Variants in MYOM1 observed in about 807,000 individuals in gnomAD.
MYOM1 encodes the protein myomesin 1, also known as myomesin-1.
MYOM1 carries 164 observed loss-of-function variants against 205.3 expected under a neutral mutation model. The observed-to-expected ratio is 0.80, with a 90% CI of 0.70 to 0.91. The LOEUF is 0.91. MYOM1 is among the 40% of genes least tolerant of loss of function. MYOM1 has a pLI of 0.00. For missense variants in MYOM1, 2,011 were observed against 2,127.3 expected, an observed-to-expected ratio of 0.95 and a Z score of 1.08; for synonymous variants, 772 against 789.4, an observed-to-expected ratio of 0.98 and a Z score of 0.37.
chr18:3,156,977 C>T lies in MYOM1; in HGVS notation c.1502-1889G>A, dbSNP rs558803781. Among the ~76,000 whole-genome samples the T allele has an allele frequency of 5.3e-5, 8 of 152,248 alleles. No individual in the cohort carries two copies. In the East Asian group the frequency reaches 1.5e-3, roughly 29 times the overall value. On this transcript the variant is annotated intron_variant, in intron 10 of 37. Coordinates refer to ENST00000356443, the MANE Select transcript of MYOM1 (RefSeq NM_003803.4). Reference sequence around the variant, plus strand: ...AGAGTGGGGCTGCTGATGGCAAAGGCAGAGCAGAGCTGCAGAGGAGGTGGG... The same window carrying T: ...AGAGTGGGGCTGCTGATGGCAAAGGTAGAGCAGAGCTGCAGAGGAGGTGGG...
the MYOM1 span, chr18:3,247,142 G>T: frequency 1.3e-5 from 2 of 152,254 alleles, no homozygotes; most frequent in African/African-American, 4.8e-5. Flanking sequence ...TTTTCAAGAG[G>T]AAGTCTCCAG....
At chr18:3,212,976 T>C (rs1457885320) in intron 2 of MYOM1, among the ~76,000 whole-genome samples, 1 of 152,214 alleles carries the variant, frequency 6.6e-6, no homozygotes, top group Admixed American at 6.5e-5. Context: ...TGCGAAGTGA[T>C]CCTGTTCCAT....
intron 12 of MYOM1, among the ~76,000 whole-genome samples, chr18:3,150,943 T>G (rs1050357975): frequency 6.8e-4 from 102 of 150,244 alleles, no homozygotes; most frequent in African/African-American, 2.4e-3. Flanking sequence ...GCCTCCTGAG[T>G]AGCTGGGACT....
chr18:3,164,412 ACC>A lies in MYOM1; in HGVS notation c.1365_1366del (p.Trp455CysfsTer22). ...CCGCTCTCCACTCCAAAGTGTTTGC[ACC>A]CATTTTGATGGAGAAAGAGGTACTC... On this transcript the variant is annotated frameshift_variant, in exon 10 of 38. Transcript: ENST00000356443. LOFTEE classifies it high-confidence loss of function. 1 of 1,606,966 alleles carries A rather than the reference ACC, an allele frequency of 6.2e-7. No individual in the cohort carries two copies. Among genetic ancestry groups the A allele is most frequent in the Non-Finnish European group, 8.5e-7 (1 of 1,176,916 alleles).
intron 25 of MYOM1, among the ~76,000 whole-genome samples, chr18:3,095,252 T>G (rs1054289378): frequency 6.6e-6 from 1 of 152,058 alleles, no homozygotes; most frequent in African/African-American, 2.4e-5. Flanking sequence ...GTCCCTCACC[T>G]GCTAACATGG....
rs73936907 is a variant in MYOM1 at position 3,080,157 on chromosome 18, C to T, written c.4485-815G>A. 9.8e-3 allele frequency among the ~76,000 whole-genome samples: 1,494 copies of T among 151,802 alleles called. 25 individuals are homozygous for T. Among genetic ancestry groups the T allele is most frequent in the African/African-American group, 0.033 (1,372 of 41,402 alleles). ...GTTTAAAAAGTGGCATACAAAATGA[C>T]GTTAAAAAGTGGTATATAAAATGAC... On this transcript the variant is annotated intron_variant, in intron 33 of 37. Transcript: ENST00000356443.
intron 16 of MYOM1, among the ~76,000 whole-genome samples, chr18:3,132,299 C>T (rs2079890067): frequency 1.3e-5 from 2 of 151,674 alleles, no homozygotes. Context: ...TACAGGCACC[C>T]ACCACCACGC....
rs543788432 is a variant in MYOM1, at chr18:3,184,606, C to T, written c.929+2874G>A. Among the ~76,000 whole-genome samples, 144 of 152,140 alleles carry T rather than the reference C, an allele frequency of 9.5e-4. No homozygotes were observed. The South Asian group carries it at 0.025, about 26-fold the overall frequency. On this transcript the variant is annotated intron_variant, in intron 5 of 37. Coordinates refer to ENST00000356443, the MANE Select transcript of MYOM1 (RefSeq NM_003803.4). ...TTTTTTGTTTTTTTAGCTCAGTTACCCAGGCTGGGATGCAGTGGCGAGATC... is the reference window on the plus strand; with the variant it reads ...TTTTTTGTTTTTTTAGCTCAGTTACTCAGGCTGGGATGCAGTGGCGAGATC...
At chr18:3,198,168 T>C (rs34154210) in intron 2 of MYOM1, among the ~76,000 whole-genome samples, 3,679 of 152,296 alleles carry the variant, frequency 0.024, 146 homozygotes, top group African/African-American at 0.078. Flanking sequence ...TTTTTCCAGG[T>C]TCACTAGGAT....
chr18:3,085,088 A>G lies in MYOM1; in HGVS notation c.4296T>C (p.Asp1432=). 6.2e-7 allele frequency: 1 copy of G among 1,609,406 alleles called. No individual in the cohort carries two copies. The highest frequency in any genetic ancestry group is 8.5e-7 in the Non-Finnish European group (1 of 1,177,782). ...DAGIYEVILK[D]DRGKDKSRLK... Reference sequence around the variant, plus strand: ...GTCTGCTCTTATCTTTTCCTCGGTCATCTTTCAGGATAACTTCATAAATCC... The same window carrying G: ...GTCTGCTCTTATCTTTTCCTCGGTCGTCTTTCAGGATAACTTCATAAATCC... Residue 1432 remains aspartate, a synonymous_variant, in exon 31 of 38, where the codon GAT becomes GAC. Transcript: ENST00000356443.
intron 26 of MYOM1, among the ~76,000 whole-genome samples, chr18:3,092,341 C>G (rs1204282892): frequency 6.6e-6 from 1 of 152,126 alleles, no homozygotes; most frequent in Non-Finnish European, 1.5e-5. Flanking sequence ...CAGGCACACA[C>G]CACTATGCCT....
At chr18:3,139,484 G>C (rs76819359) in intron 14 of MYOM1, among the ~76,000 whole-genome samples, 1 of 152,198 alleles carries the variant, frequency 6.6e-6, no homozygotes, top group Non-Finnish European at 1.5e-5. Context: ...CAAGCACAGC[G>C]GTGGCCCAAG....
intron 19 of MYOM1, among the ~76,000 whole-genome samples, chr18:3,121,194 A>C (rs989134508): frequency 2.6e-5 from 4 of 152,182 alleles, no homozygotes; most frequent in Non-Finnish European, 5.9e-5. Context: ...AGAGAGAGAG[A>C]AAATGAGGGA....
chr18:3,124,738 A>T (rs564363982), intron 19 of MYOM1, among the ~76,000 whole-genome samples: 6 of 152,272 alleles, frequency 3.9e-5, no homozygotes, highest in South Asian at 4.2e-4. Context: ...TAATGACAGA[A>T]ATGTAAGTGG....
the MYOM1 span, among the ~76,000 whole-genome samples, chr18:3,232,518 G>A: frequency 6.6e-6 from 1 of 151,978 alleles, no homozygotes; most frequent in East Asian, 1.9e-4. Flanking sequence ...TGGGGTGATG[G>A]GTATGTTACT....
intron 2 of MYOM1, among the ~76,000 whole-genome samples, chr18:3,197,879 G>T (rs546409450): frequency 6.7e-6 from 1 of 148,630 alleles, no homozygotes; most frequent in East Asian, 1.9e-4. Flanking sequence ...TCTCAAAAAA[G>T]AAAAAGAAAA....
intron 36 of MYOM1, 101 bp from the exon 37 acceptor site, chr18:3,071,990 C>T: frequency 2.1e-6 from 2 of 968,658 alleles, no homozygotes; most frequent in Non-Finnish European, 3.2e-6. Context: ...TAGTTTCCTT[C>T]TCCTGATAGT....
At chr18:3,211,070 A>T (rs1246103637) in intron 2 of MYOM1, among the ~76,000 whole-genome samples, 8 of 152,228 alleles carry the variant, frequency 5.3e-5, no homozygotes, top group African/African-American at 1.9e-4. Flanking sequence ...CCCACAACCT[A>T]AGAAACCTGC....
Position 3,164,281 on chromosome 18 carries a change from G to A in MYOM1, c.1498C>T (p.Arg500Ter), listed in dbSNP as rs753407636. ...TTTGTTTTTTGCTAGGACTTACCTC[G>A]AACAAAGACATAAGCACTATATTGT... ...YEQYSAYVFVRDADAEIEGAP... is the reference protein window; with the variant it reads ...YEQYSAYVFV Residue 500 changes from arginine (R) to a stop codon, truncating the protein, a stop_gained, in exon 10 of 38, where the codon CGA (arginine) becomes TGA (stop). Coordinates refer to ENST00000356443, the MANE Select transcript of MYOM1 (RefSeq NM_003803.4). LOFTEE classifies it high-confidence loss of function. The A allele has an allele frequency of 8.7e-6, 14 of 1,612,310 alleles. No individual in the cohort carries two copies. Among genetic ancestry groups the A allele is most frequent in the Non-Finnish European group, 1.1e-5 (13 of 1,179,102 alleles).
Sources: allele counts gnomAD v4.1 joint callset (sites outside exome capture counted in the v4.1 genomes callset), GRCh38; gene constraint gnomAD v4.1.1; transcripts MANE v1.5; gene names NCBI Gene and HGNC (gene_info 2026-07-23, HGNC 2026-07-21).